Variants in NELL1 observed in about 807,000 individuals in gnomAD.
NELL1 encodes neural EGFL like 1, also known as protein kinase C-binding protein NELL1.
In NELL1, 76 loss-of-function variants were observed where a neutral mutation model predicts 107.4. The ratio of observed to expected loss-of-function variants is 0.71; its 90% CI spans 0.59 to 0.86. The LOEUF (loss-of-function observed/expected upper bound fraction) is 0.86, where lower values mean the gene tolerates loss of function less well. Among genes scored for constraint, NELL1 ranks in the 40% least tolerant of loss-of-function variants. NELL1 has a pLI of 0.00. For missense variants in NELL1, 1,024 were observed against 1,005.5 expected, an observed-to-expected ratio of 1.02 and a Z score of -0.25; for synonymous variants, 353 against 341.2, an observed-to-expected ratio of 1.03 and a Z score of -0.38.
chr11:20,720,814 C>G (rs1855363083), intron 2 of NELL1, among the ~76,000 whole-genome samples: 1 of 151,938 alleles, frequency 6.6e-6, no homozygotes, highest in South Asian at 2.1e-4. Context: ...TAGAGCTCAC[C>G]CTACCAACCT....
rs371025282 is a variant in NELL1 at position 21,113,690 on chromosome 11, C to T, written c.1402C>T (p.Arg468Cys). The stretch of plus-strand genomic sequence containing the variant: ...CTGTGACTGTGTCCCAGGATACATT[C>T]GTGTGGATGACTTCTCTTGTACAGG... ...YRCDCVPGYI[R>C]VDDFSCTEHD... The change falls in exon 13 of 20, where the codon CGT becomes TGT. Residue 468 changes from arginine to cysteine, a missense_variant. By Grantham distance (180) the Arg-to-Cys change is radical (BLOSUM62 -3). Coordinates refer to ENST00000357134, the MANE Select transcript of NELL1 (RefSeq NM_006157.5). 6.2e-6 allele frequency: 10 copies of T among 1,611,734 alleles called. No homozygotes were observed. The highest frequency in any genetic ancestry group is 2.7e-5 in the African/African-American group (2 of 74,714).
At chr11:21,392,473 T>C (rs1851900518) in intron 15 of NELL1, among the ~76,000 whole-genome samples, 1 of 151,846 alleles carries the variant, frequency 6.6e-6, no homozygotes, top group South Asian at 2.1e-4. Flanking sequence ...TTATCATTTC[T>C]CCTGTGTGCT....
intron 1 of NELL1, chr11:20,674,518 C>G (rs894954415): frequency 2.7e-5 from 42 of 1,535,992 alleles, no homozygotes; most frequent in Non-Finnish European, 3.7e-5. Flanking sequence ...CGTGTTATCG[C>G]TGATATGGAG....
chr11:20,927,434 A>G lies in NELL1; in HGVS notation c.886A>G (p.Thr296Ala). The G allele has an allele frequency of 6.2e-7, 1 of 1,608,796 alleles. No homozygotes were observed. The highest frequency in any genetic ancestry group is 8.5e-7 in the Non-Finnish European group (1 of 1,179,026). ...AGATGGTGACCATTGCAGGAACTGCACTTGCAAAGTAAGCCTCTTTGTAAA... is the reference window on the plus strand; with the variant it reads ...AGATGGTGACCATTGCAGGAACTGCGCTTGCAAAGTAAGCCTCTTTGTAAA... ...WVDGDHCRNC[T>A]CKSGAVECRR... Residue 296 changes from threonine to alanine, a missense_variant, in exon 8 of 20, where the codon ACT (threonine) becomes GCT (alanine). Coordinates refer to ENST00000357134, the MANE Select transcript of NELL1 (RefSeq NM_006157.5).
chr11:21,447,768 C>T (rs1853471014), intron 15 of NELL1, among the ~76,000 whole-genome samples: 1 of 152,112 alleles, frequency 6.6e-6, no homozygotes, highest in South Asian at 2.1e-4. Flanking sequence ...GCATACCCCC[C>T]AAGTCCTCTG....
intron 12 of NELL1, among the ~76,000 whole-genome samples, chr11:21,068,505 G>A (rs1463872214): frequency 6.6e-6 from 1 of 152,146 alleles, no homozygotes; most frequent in Non-Finnish European, 1.5e-5. Flanking sequence ...AATAAATGTA[G>A]ACATGGAATA....
chr11:21,025,925 AG>A (rs1244976685), intron 12 of NELL1, among the ~76,000 whole-genome samples: 1 of 152,138 alleles, frequency 6.6e-6, no homozygotes, highest in African/African-American at 2.4e-5. Flanking sequence ...AAACCTCTGG[AG>A]TCATTCTTAA....
chr11:21,306,707 T>A (rs564795030), intron 14 of NELL1, among the ~76,000 whole-genome samples: 2 of 152,190 alleles, frequency 1.3e-5, no homozygotes, highest in African/African-American at 4.8e-5. Flanking sequence ...TACTCTGCAG[T>A]TGGATTCATG....
At chr11:21,145,328 A>G (rs1373967434) in intron 13 of NELL1, among the ~76,000 whole-genome samples, 2 of 152,200 alleles carry the variant, frequency 1.3e-5, no homozygotes, top group African/African-American at 4.8e-5. Context: ...GACAGGCCAC[A>G]TCTAGAGCCC....
At chr11:21,481,251 G>A (rs1166640117) in intron 15 of NELL1, among the ~76,000 whole-genome samples, 1 of 152,158 alleles carries the variant, frequency 6.6e-6, no homozygotes, top group African/African-American at 2.4e-5. Flanking sequence ...AGCCTACAAA[G>A]ACAGCTTCAT....
At chr11:20,830,663 T>G (rs189822044) in intron 3 of NELL1, among the ~76,000 whole-genome samples, 1 of 152,214 alleles carries the variant, frequency 6.6e-6, no homozygotes, top group Admixed American at 6.5e-5. Flanking sequence ...AGACTCTTGG[T>G]GTAATAAAAA....
At position 20,695,166 on chromosome 11, in the gene NELL1, T is replaced by A. The variant is rs188150772; in HGVS notation, c.184+17106T>A. Among the ~76,000 whole-genome samples the A allele has an allele frequency of 4.2e-4, 64 of 152,248 alleles. No individual in the cohort carries two copies. In the East Asian group the frequency reaches 9.3e-3, roughly 22 times the overall value. ...TTTCTCTCCTGAAAGTTTACTGAAG[T>A]CGTTTATGAGTTCCAGGAACCTTTT... On this transcript the variant is annotated intron_variant, in intron 2 of 19. Transcript: ENST00000357134.
At chr11:20,897,976 C>T (rs549347569) in intron 5 of NELL1, among the ~76,000 whole-genome samples, 15 of 152,138 alleles carry the variant, frequency 9.9e-5, no homozygotes, top group South Asian at 2.1e-4. Flanking sequence ...TTGGTGGGAC[C>T]GTAAACTAGT....
chr11:21,228,003 C>T (rs1417169682), intron 13 of NELL1, among the ~76,000 whole-genome samples: 2 of 152,132 alleles, frequency 1.3e-5, no homozygotes, highest in Non-Finnish European at 2.9e-5. Flanking sequence ...ATTCACTTAA[C>T]AAACTATATT....
chr11:20,819,287 G>A (rs1857695529), intron 3 of NELL1, among the ~76,000 whole-genome samples: 1 of 152,190 alleles, frequency 6.6e-6, no homozygotes, highest in South Asian at 2.1e-4. Context: ...TGAACATAGT[G>A]GAACAGGTGA....
chr11:21,234,191 GA>G (rs1401895590), intron 14 of NELL1, among the ~76,000 whole-genome samples: 1 of 152,164 alleles, frequency 6.6e-6, no homozygotes, highest in Non-Finnish European at 1.5e-5. Flanking sequence ...AGAACCCAGA[GA>G]AAAATGCAAG....
At chr11:21,355,768 A>G (rs1450265360) in intron 14 of NELL1, among the ~76,000 whole-genome samples, 1 of 152,182 alleles carries the variant, frequency 6.6e-6, no homozygotes, top group African/African-American at 2.4e-5. Flanking sequence ...TTAAATTCAT[A>G]AAAACTTTTT....
intron 12 of NELL1, among the ~76,000 whole-genome samples, chr11:20,978,358 G>A (rs186232770): frequency 2.0e-5 from 3 of 152,036 alleles, no homozygotes; most frequent in Admixed American, 6.5e-5. Context: ...GAGAATTAAC[G>A]ATTTACCCAA....
intron 14 of NELL1, among the ~76,000 whole-genome samples, chr11:21,349,121 A>G (rs918176276): frequency 1.3e-5 from 2 of 152,128 alleles, no homozygotes; most frequent in East Asian, 3.9e-4. Context: ...ATGATTCTGT[A>G]TTAGAGCTAC....
Sources: allele counts gnomAD v4.1 joint callset (sites outside exome capture counted in the v4.1 genomes callset), GRCh38; gene constraint gnomAD v4.1.1; transcripts MANE v1.5; gene names NCBI Gene and HGNC (gene_info 2026-07-23, HGNC 2026-07-21).